THRB: variants seen among roughly 807,000 people sequenced by gnomAD.
THRB encodes thyroid hormone receptor beta.
In THRB, 12 loss-of-function variants were observed where a neutral mutation model predicts 47.8. That is an observed-to-expected ratio of 0.25 (90% confidence interval 0.16 to 0.41). The LOEUF is 0.41. THRB is among the 10% of genes least tolerant of loss of function. THRB has a pLI of 1.00. For synonymous variants in THRB, 218 were observed against 212.2 expected, an observed-to-expected ratio of 1.03 and a Z score of -0.24; for missense variants, 348 against 589.2, an observed-to-expected ratio of 0.59 and a Z score of 4.24.
At chr3:24,233,616 A>AAAGAAAGAAAGAAAGG (rs2048556194) in intron 3 of THRB, among the ~76,000 whole-genome samples, 3 of 150,000 alleles carry the variant, frequency 2.0e-5, no homozygotes, top group African/African-American at 7.4e-5. Context: ...AGAAAGAAAG[A>AAAGAAAGAAAGAAAGG]GAAAGAGCCT....
intron 1 of THRB, among the ~76,000 whole-genome samples, chr3:24,487,344 GCA>G (rs61358157): frequency 0.069 from 10,045 of 145,880 alleles, 470 homozygotes; most frequent in African/African-American, 0.13. Flanking sequence ...AGACACACAA[GCA>G]CACACACACA....
chr3:24,450,603 A>C (rs2125523429), intron 1 of THRB, among the ~76,000 whole-genome samples: 1 of 152,370 alleles, frequency 6.6e-6, no homozygotes, highest in Middle Eastern at 3.4e-3. Flanking sequence ...AAAAACTCAA[A>C]GACGAGTTTC....
intron 1 of THRB, among the ~76,000 whole-genome samples, chr3:24,384,900 T>G (rs897517264): frequency 1.3e-5 from 2 of 152,114 alleles, no homozygotes; most frequent in East Asian, 3.9e-4. Flanking sequence ...ATGCTCTAAA[T>G]TTTATCTGGC....
chr3:24,165,151 G>A, intron 5 of THRB: 1 of 765,006 alleles, frequency 1.3e-6, no homozygotes, highest in Non-Finnish European at 2.4e-6. Flanking sequence ...TTTTAAACAT[G>A]TTTCCAGGGT....
intron 3 of THRB, among the ~76,000 whole-genome samples, chr3:24,283,226 T>C (rs2054827879): frequency 6.6e-6 from 1 of 152,226 alleles, no homozygotes; most frequent in Admixed American, 6.5e-5. Flanking sequence ...ATCAAAAAGC[T>C]TATCCACCAT....
At chr3:24,432,704 T>G (rs1373894349) in intron 1 of THRB, among the ~76,000 whole-genome samples, 1 of 152,122 alleles carries the variant, frequency 6.6e-6, no homozygotes, top group African/African-American at 2.4e-5. Context: ...AGAAATGCTG[T>G]GAAATTTTTT....
intron 3 of THRB, among the ~76,000 whole-genome samples, chr3:24,229,903 T>C (rs947881600): frequency 5.9e-5 from 9 of 152,148 alleles, no homozygotes; most frequent in African/African-American, 2.2e-4. Context: ...CTACTAGCTG[T>C]GGGATCAGAG....
chr3:24,360,073 T>C (rs2063958122), intron 1 of THRB, among the ~76,000 whole-genome samples: 1 of 152,202 alleles, frequency 6.6e-6, no homozygotes, highest in African/African-American at 2.4e-5. Context: ...CCCCTAAAGA[T>C]GTGCTCCAGT....
Position 24,394,188 on chromosome 3 carries a change from A to G in THRB, c.-260-56817T>C, listed in dbSNP as rs376517463. Among the ~76,000 whole-genome samples the G allele has an allele frequency of 2.4e-4, 36 of 152,214 alleles. 4 individuals are homozygous for G. In the East Asian group the frequency reaches 3.1e-3, roughly 13 times the overall value. ...ATTTTCCTTGCTTGTTTCTTGAGGTAAAAGAGTATTTGCCCAGAGCCTTTA... is the reference window on the plus strand; with the variant it reads ...ATTTTCCTTGCTTGTTTCTTGAGGTGAAAGAGTATTTGCCCAGAGCCTTTA... On this transcript the variant is annotated intron_variant, in intron 1 of 10. Coordinates refer to ENST00000646209, the MANE Select transcript of THRB (RefSeq NM_001354712.2).
chr3:24,295,281 C>A (rs2056348500), intron 3 of THRB, among the ~76,000 whole-genome samples: 1 of 152,174 alleles, frequency 6.6e-6, no homozygotes, highest in Admixed American at 6.5e-5. Context: ...ATAGCCCTAA[C>A]CACATGCATG....
intron 5 of THRB, among the ~76,000 whole-genome samples, chr3:24,157,373 G>A (rs186816201): frequency 3.3e-5 from 5 of 151,934 alleles, no homozygotes; most frequent in Non-Finnish European, 7.4e-5. Context: ...CCAAGTAGAG[G>A]TGTCAATCTA....
intron 4 of THRB, among the ~76,000 whole-genome samples, chr3:24,209,389 T>G (rs1008608056): frequency 2.0e-5 from 3 of 152,198 alleles, no homozygotes; most frequent in Non-Finnish European, 4.4e-5. Flanking sequence ...ATGTTCATTG[T>G]GGCACTATTC....
At chr3:24,183,368 C>CTTTTT (rs1193344905) in intron 5 of THRB, among the ~76,000 whole-genome samples, 12 of 84,228 alleles carry the variant, frequency 1.4e-4, no homozygotes, top group Non-Finnish European at 2.0e-4. Context: ...TTTTTCTTTT[C>CTTTTT]TTTTTTTTTT....
intron 1 of THRB, among the ~76,000 whole-genome samples, chr3:24,406,680 G>A (rs2067853161): frequency 6.6e-6 from 1 of 151,538 alleles, no homozygotes; most frequent in Admixed American, 6.6e-5. Flanking sequence ...GAGCTGTTAA[G>A]ATGATATACT....
intron 2 of THRB, among the ~76,000 whole-genome samples, chr3:24,311,893 T>C (rs2057783912): frequency 6.6e-6 from 1 of 152,204 alleles, no homozygotes; most frequent in African/African-American, 2.4e-5. Flanking sequence ...TAGTAGTAGG[T>C]CCAAAGACCT....
chr3:24,217,163 T>C (rs1461610933), intron 4 of THRB, among the ~76,000 whole-genome samples: 1 of 151,126 alleles, frequency 6.6e-6, no homozygotes, highest in African/African-American at 2.4e-5. Context: ...AAAATTGGGG[T>C]ACAAGAATAT....
chr3:24,410,848 A>G (rs2068230340), intron 1 of THRB, among the ~76,000 whole-genome samples: 1 of 151,858 alleles, frequency 6.6e-6, no homozygotes, highest in Non-Finnish European at 1.5e-5. Flanking sequence ...CTTTGCCTGA[A>G]TGATCTATGT....
At chr3:24,330,883 T>C (rs1410076529) in intron 2 of THRB, among the ~76,000 whole-genome samples, 1 of 152,174 alleles carries the variant, frequency 6.6e-6, no homozygotes, top group Admixed American at 6.5e-5. Flanking sequence ...AAATAAAAAG[T>C]AGGTTTTGCC....
chr3:24,405,665 T>C (rs2067765871), intron 1 of THRB, among the ~76,000 whole-genome samples: 2 of 151,814 alleles, frequency 1.3e-5, no homozygotes, highest in African/African-American at 4.8e-5. Flanking sequence ...TTGATATAAT[T>C]ATTCTTAACC....
Sources: allele counts gnomAD v4.1 joint callset (sites outside exome capture counted in the v4.1 genomes callset), GRCh38; gene constraint gnomAD v4.1.1; transcripts MANE v1.5; gene names NCBI Gene and HGNC (gene_info 2026-07-23, HGNC 2026-07-21).